The following HECW2 variants were observed in gnomAD, a reference collection of about 807,000 sequenced individuals.
The protein encoded by HECW2 is HECT, C2 and WW domain containing E3 ubiquitin protein ligase 2, also known as E3 ubiquitin-protein ligase HECW2.
A neutral mutation model predicts 175.2 loss-of-function variants in HECW2; 61 were observed. The ratio of observed to expected loss-of-function variants is 0.35; its 90% CI spans 0.28 to 0.43. HECW2 has a LOEUF of 0.43. HECW2 is among the 20% of genes least tolerant of loss of function. The probability of loss-of-function intolerance (pLI) is 1.00; values close to 1 mark genes in which losing one functional copy is unlikely to be tolerated. For synonymous variants in HECW2, 671 were observed against 731.0 expected (o/e 0.92, Z 1.32); for missense variants, 1,524 against 2,000.5 (o/e 0.76, Z 4.54).
At chr2:196,414,973 T>C (rs530394758) in intron 2 of HECW2, among the ~76,000 whole-genome samples, 1 of 152,196 alleles carries the variant, frequency 6.6e-6, no homozygotes, top group African/African-American at 2.4e-5. Flanking sequence ...TGACTTAAGG[T>C]AGAGGGAAGT....
chr2:196,515,974 AC>A (rs1273523426), intron 1 of HECW2, among the ~76,000 whole-genome samples: 1 of 137,046 alleles, frequency 7.3e-6, no homozygotes, highest in East Asian at 2.0e-4. Flanking sequence ...AAAAAAAAGT[AC>A]AAAAAAAAAA....
chr2:196,320,352 A>G lies in HECW2; in HGVS notation c.972T>C (p.Ser324=), dbSNP rs971516892. ...TTTATATCTCACCTTCATGAACAGA[A>G]GACGTAACCTCCACTTTAAACTGGA... The part of the protein sequence containing the change: ...GYLQFKVEVT[S]SVHEDASPEA... Residue 324 remains serine (S), a synonymous_variant, in exon 8 of 29, where the codon TCT becomes TCC. Coordinates refer to ENST00000644978, the MANE Select transcript of HECW2 (RefSeq NM_001348768.2). 3.7e-6 allele frequency: 6 copies of G among 1,605,304 alleles called. No homozygotes were observed. In the African/African-American group the frequency reaches 8.0e-5, roughly 21 times the overall value.
intron 15 of HECW2, among the ~76,000 whole-genome samples, chr2:196,276,238 G>A (rs1488465133): frequency 6.6e-6 from 1 of 152,118 alleles, no homozygotes; most frequent in Non-Finnish European, 1.5e-5. Context: ...GTGTCAGAAA[G>A]GACACTCCCC....
intron 17 of HECW2, among the ~76,000 whole-genome samples, chr2:196,261,550 G>A (rs962505477): frequency 6.6e-6 from 1 of 152,100 alleles, no homozygotes; most frequent in African/African-American, 2.4e-5. Context: ...CACATGCTAG[G>A]CCAGAGATGC....
chr2:196,281,031 G>C (rs1418424645), intron 14 of HECW2, among the ~76,000 whole-genome samples: 1 of 152,124 alleles, frequency 6.6e-6, no homozygotes, highest in Non-Finnish European at 1.5e-5. Flanking sequence ...GGGATGGGTG[G>C]TCATTAACGG....
At chr2:196,325,252 T>G in intron 5 of HECW2, 103 bp from the exon 6 acceptor site, 1 of 809,720 alleles carries the variant, frequency 1.2e-6, no homozygotes, top group Non-Finnish European at 1.9e-6. Context: ...GAAGGAAGGA[T>G]TCATATGTCC....
In HECW2 at chr2:196,427,205, A is replaced by G. The variant is rs1254474091; in HGVS notation, c.292+5927T>C. 2.0e-5 allele frequency among the ~76,000 whole-genome samples: 3 copies of G among 152,228 alleles called. No homozygotes were observed. In the South Asian group the frequency reaches 6.2e-4, roughly 32 times the overall value. On this transcript the variant is annotated intron_variant, in intron 2 of 28. Transcript: ENST00000644978. ...CAGTATATTGATTTACATTTTGGAGAGAGCACCTTATCTGTTCACAGATCA... is the reference window on the plus strand; with the variant it reads ...CAGTATATTGATTTACATTTTGGAGGGAGCACCTTATCTGTTCACAGATCA...
At chr2:196,266,830 A>T (rs1389972412) in intron 17 of HECW2, among the ~76,000 whole-genome samples, 1 of 152,246 alleles carries the variant, frequency 6.6e-6, no homozygotes, top group African/African-American at 2.4e-5. Flanking sequence ...AATTAAGAGT[A>T]AAATTAAACT....
chr2:196,521,773 A>G (rs1341839594), intron 1 of HECW2, among the ~76,000 whole-genome samples: 3 of 149,496 alleles, frequency 2.0e-5, no homozygotes, highest in Admixed American at 6.7e-5. Flanking sequence ...GAGAATGATG[A>G]TTTCCAATTT....
intron 2 of HECW2, among the ~76,000 whole-genome samples, chr2:196,380,777 T>C (rs1402073375): frequency 3.9e-5 from 6 of 152,002 alleles, no homozygotes; most frequent in Non-Finnish European, 8.8e-5. Flanking sequence ...GAGCTTCTGG[T>C]TTTCAGTTAT....
At chr2:196,383,132 G>T (rs946625783) in intron 2 of HECW2, among the ~76,000 whole-genome samples, 1 of 152,114 alleles carries the variant, frequency 6.6e-6, no homozygotes, top group Admixed American at 6.5e-5. Context: ...GAGGTTAATT[G>T]ACCAGGCCAC....
At chr2:196,446,313 C>T (rs1270206208) in intron 1 of HECW2, among the ~76,000 whole-genome samples, 1 of 152,180 alleles carries the variant, frequency 6.6e-6, no homozygotes, top group African/African-American at 2.4e-5. Context: ...CTTCCCTGAC[C>T]ACCCATGATA....
At chr2:196,461,593 G>A (rs79725597) in intron 1 of HECW2, among the ~76,000 whole-genome samples, 5 of 152,268 alleles carry the variant, frequency 3.3e-5, no homozygotes, top group African/African-American at 1.2e-4. Flanking sequence ...AATTTATAAA[G>A]GAAAGAGGTT....
chr2:196,228,277 G>A (rs1337405460), intron 21 of HECW2, 23 bp from the exon 22 acceptor site: 2 of 1,582,122 alleles, frequency 1.3e-6, no homozygotes, highest in Non-Finnish European at 1.7e-6. Flanking sequence ...TCCACAAAAA[G>A]AATAATCTGT....
At chr2:196,529,566 A>G (rs1272040095) in intron 1 of HECW2, among the ~76,000 whole-genome samples, 3 of 152,200 alleles carry the variant, frequency 2.0e-5, no homozygotes, top group African/African-American at 7.2e-5. Flanking sequence ...CTACACAAAC[A>G]TACATAAATA....
At chr2:196,307,851 G>C in intron 11 of HECW2, 84 bp downstream of exon 11, 1 of 1,270,982 alleles carries the variant, frequency 7.9e-7, no homozygotes, top group Non-Finnish European at 1.0e-6. Flanking sequence ...AGATCAAAGA[G>C]ACAACCATGT....
At chr2:196,382,325 C>T (rs1694230134) in intron 2 of HECW2, among the ~76,000 whole-genome samples, 1 of 150,666 alleles carries the variant, frequency 6.6e-6, no homozygotes, top group South Asian at 2.1e-4. Flanking sequence ...AGCATTGTTA[C>T]CTGTGAGAAA....
intron 1 of HECW2, among the ~76,000 whole-genome samples, chr2:196,554,796 C>T (rs552129161): frequency 4.8e-4 from 73 of 152,280 alleles, no homozygotes; most frequent in South Asian, 2.9e-3. Flanking sequence ...CCTAGAAGAA[C>T]GAAGAGCAGT....
At chr2:196,428,563 C>T (rs552875447) in intron 2 of HECW2, among the ~76,000 whole-genome samples, 3 of 152,228 alleles carry the variant, frequency 2.0e-5, no homozygotes, top group South Asian at 4.2e-4. Flanking sequence ...TGCACATTTT[C>T]ATGTTATTAA....
Sources: gnomAD v4.1 joint callset for allele counts (sites outside exome capture counted in the v4.1 genomes callset) on GRCh38, gnomAD v4.1.1 for gene constraint, MANE v1.5 for transcripts, NCBI Gene and HGNC (gene_info 2026-07-23, HGNC 2026-07-21) for gene names.